SAMD12: variants seen among roughly 807,000 people sequenced by gnomAD.
The protein encoded by SAMD12 is sterile alpha motif domain-containing protein 12.
Under a neutral mutation model 15.0 loss-of-function variants are expected in SAMD12, and 9 were observed. The ratio of observed to expected loss-of-function variants is 0.60; its 90% confidence interval spans 0.36 to 1.05. SAMD12 has a LOEUF of 1.05. Among genes scored for constraint, SAMD12 ranks in the 50% least tolerant of loss-of-function variants. The probability of loss-of-function intolerance (pLI) is 0.01; values close to 1 mark genes in which losing one functional copy is unlikely to be tolerated. For synonymous variants in SAMD12, 86 were observed against 90.1 expected (o/e 0.96, Z 0.25); for missense variants, 230 against 234.2 (o/e 0.98, Z 0.12).
Position 118,444,049 on chromosome 8 carries a change from GC to G in SAMD12, c.193-4089del, listed in dbSNP as rs397891339. Among the ~76,000 whole-genome samples the G allele has an allele frequency of 3.0e-3, 451 of 152,234 alleles. 1 individual carries two copies. Among genetic ancestry groups the G allele is most frequent in the African/African-American group, 8.2e-3 (339 of 41,540 alleles). ...ATCCAACACCTACACTCTCTTCACA[GC>G]CATCCCTAGAGGATGACTTTCTCTG... On this transcript the variant is annotated intron_variant, in intron 2 of 3. Coordinates refer to ENST00000314727, the MANE Select transcript of SAMD12 (RefSeq NM_207506.3).
At chr8:118,245,067 T>C (rs569019146) in intron 4 of SAMD12, among the ~76,000 whole-genome samples, 1 of 152,238 alleles carries the variant, frequency 6.6e-6, no homozygotes, top group South Asian at 2.1e-4. Context: ...TAAGGCTTCT[T>C]TGAATCCACA....
At chr8:118,197,649 G>A in exon 5 of SAMD12, 1 of 1,410,958 alleles carries the variant, frequency 7.1e-7, no homozygotes, top group Non-Finnish European at 1.0e-6. Flanking sequence ...TAGTCTTTCT[G>A]TGAGGAACAG....
chr8:118,479,276 C>T (rs1563885143), intron 2 of SAMD12, among the ~76,000 whole-genome samples: 1 of 152,076 alleles, frequency 6.6e-6, no homozygotes, highest in African/African-American at 2.4e-5. Context: ...ACACCTGGAT[C>T]ACTGTTATTA....
At chr8:118,542,386 T>A (rs1826009513) in intron 2 of SAMD12, among the ~76,000 whole-genome samples, 1 of 152,252 alleles carries the variant, frequency 6.6e-6, no homozygotes, top group African/African-American at 2.4e-5. Context: ...GTCTTAGATA[T>A]AATTTAAAAT....
Position 118,368,302 on chromosome 8 carries a change from CAA to C in SAMD12, c.433+11256_433+11257del, listed in dbSNP as rs528926368. Among the ~76,000 whole-genome samples the C allele has an allele frequency of 1.2e-4, 18 of 152,264 alleles. No individual in the cohort carries two copies. The East Asian group carries it at 3.5e-3, about 29-fold the overall frequency. ...ATAAGGTTGAATGAAGAAGTAGTAA[CAA>C]AAGACCCTAGCTACAGAAGAATAAT... On this transcript the variant is annotated intron_variant, in intron 4 of 4. Coordinates refer to the SAMD12 transcript ENST00000409003.
intron 4 of SAMD12, among the ~76,000 whole-genome samples, chr8:118,263,129 T>A (rs1250246471): frequency 2.6e-5 from 4 of 152,104 alleles, no homozygotes; most frequent in African/African-American, 7.2e-5. Flanking sequence ...TTTTTTGATA[T>A]TTTAAAGCAG....
chr8:118,211,347 C>T (rs545255346), intron 4 of SAMD12, among the ~76,000 whole-genome samples: 1 of 152,312 alleles, frequency 6.6e-6, no homozygotes, highest in East Asian at 1.9e-4. Flanking sequence ...CTCTCCTCTC[C>T]TCTTTGCAGT....
At chr8:118,521,634 A>G (rs914350776) in intron 2 of SAMD12, among the ~76,000 whole-genome samples, 7 of 150,326 alleles carry the variant, frequency 4.7e-5, no homozygotes, top group African/African-American at 1.7e-4. Flanking sequence ...AGCGCGTTCT[A>G]TGCTTAATAC....
At chr8:118,235,788 C>A (rs180685320) in intron 4 of SAMD12, among the ~76,000 whole-genome samples, 2 of 152,238 alleles carry the variant, frequency 1.3e-5, no homozygotes, top group Admixed American at 1.3e-4. Flanking sequence ...AAATAAACAT[C>A]CAGTATTCAC....
At chr8:118,161,065 T>C in the SAMD12 span, among the ~76,000 whole-genome samples, 1 of 152,164 alleles carries the variant, frequency 6.6e-6, no homozygotes. Flanking sequence ...GTCCTTGCGA[T>C]AGTTTGCTGA....
intron 3 of SAMD12, among the ~76,000 whole-genome samples, chr8:118,411,818 C>T (rs1015930791): frequency 2.0e-5 from 3 of 152,100 alleles, no homozygotes; most frequent in African/African-American, 7.2e-5. Context: ...GTGACAATTA[C>T]TCAGCTATAA....
chr8:118,602,967 A>T (rs1827896089), intron 1 of SAMD12, among the ~76,000 whole-genome samples: 1 of 152,190 alleles, frequency 6.6e-6, no homozygotes, highest in Non-Finnish European at 1.5e-5. Context: ...TCAATAAAAA[A>T]TAGAAACATT....
chr8:118,507,795 C>T (rs958035809), intron 2 of SAMD12, among the ~76,000 whole-genome samples: 2 of 151,810 alleles, frequency 1.3e-5, no homozygotes, highest in African/African-American at 2.4e-5. Flanking sequence ...AGAGTGATGC[C>T]GACTTTTTCT....
At chr8:118,170,352 G>A in the SAMD12 span, among the ~76,000 whole-genome samples, 2 of 152,064 alleles carry the variant, frequency 1.3e-5, no homozygotes, top group African/African-American at 4.8e-5. Flanking sequence ...AAATGTGGAG[G>A]GGGCTTAAAG....
At chr8:118,185,787 G>A (rs555729388), downstream of SAMD12, among the ~76,000 whole-genome samples, 5 of 152,156 alleles carry the variant, frequency 3.3e-5, no homozygotes, top group Admixed American at 6.5e-5. Context: ...ATAGGCTAAC[G>A]GGGTTGAACA....
At chr8:118,220,277 G>T (rs1812055407) in intron 4 of SAMD12, among the ~76,000 whole-genome samples, 1 of 152,164 alleles carries the variant, frequency 6.6e-6, no homozygotes, top group Non-Finnish European at 1.5e-5. Flanking sequence ...CAGCAATTCT[G>T]CTGGGTTATT....
chr8:118,231,298 G>A (rs1489299083), intron 4 of SAMD12, among the ~76,000 whole-genome samples: 1 of 152,192 alleles, frequency 6.6e-6, no homozygotes, highest in Non-Finnish European at 1.5e-5. Flanking sequence ...CTAACTCTGG[G>A]AGTGATGCAC....
At chr8:118,178,812 C>A in the SAMD12 span, among the ~76,000 whole-genome samples, 1 of 152,166 alleles carries the variant, frequency 6.6e-6, no homozygotes, top group Non-Finnish European at 1.5e-5. Context: ...TGCTAACTGC[C>A]ACAGCAGACA....
intron 2 of SAMD12, among the ~76,000 whole-genome samples, chr8:118,556,942 C>T (rs577321517): frequency 8.6e-5 from 13 of 150,570 alleles, no homozygotes; most frequent in South Asian, 6.3e-4. Context: ...CCAGCCCAGG[C>T]GACAGTGCGA....
Sources: allele counts gnomAD v4.1 joint callset (sites outside exome capture counted in the v4.1 genomes callset), GRCh38; gene constraint gnomAD v4.1.1; transcripts MANE v1.5; gene names NCBI Gene and HGNC (gene_info 2026-07-23, HGNC 2026-07-21).